ST6GAL2: variants seen among roughly 807,000 people sequenced by gnomAD.
ST6GAL2 encodes beta-galactoside alpha-2,6-sialyltransferase 2.
In ST6GAL2, 24 loss-of-function variants were observed where a neutral mutation model predicts 37.5. The ratio of observed to expected loss-of-function variants is 0.64; its 90% CI spans 0.46 to 0.90. The LOEUF (loss-of-function observed/expected upper bound fraction) is 0.90, where lower values mean the gene tolerates loss of function less well. Ranked by LOEUF, ST6GAL2 falls within the 40% of genes least tolerant of loss-of-function variation. ST6GAL2 has a pLI of 0.00. For synonymous variants in ST6GAL2, 306 were observed against 295.1 expected, an observed-to-expected ratio of 1.04 and a Z score of -0.38; for missense variants, 715 against 712.7, an observed-to-expected ratio of 1.00 and a Z score of -0.04.
intron 1 of ST6GAL2, among the ~76,000 whole-genome samples, chr2:106,882,951 C>A (rs1481677671): frequency 6.6e-6 from 1 of 152,206 alleles, no homozygotes; most frequent in Non-Finnish European, 1.5e-5. Context: ...TTCTCCCAAC[C>A]AACCAGTAGG....
At chr2:106,874,858 T>C (rs761370012) in intron 1 of ST6GAL2, among the ~76,000 whole-genome samples, 2 of 152,180 alleles carry the variant, frequency 1.3e-5, no homozygotes, top group African/African-American at 4.8e-5. Context: ...CAAGCCAGCA[T>C]TTGCAGCAGC....
intron 5 of ST6GAL2, among the ~76,000 whole-genome samples, chr2:106,820,306 C>CA (rs1230095357): frequency 6.6e-6 from 1 of 151,784 alleles, no homozygotes; most frequent in Non-Finnish European, 1.5e-5. Flanking sequence ...ACCCACCTCC[C>CA]AACTAAAAGC....
chr2:106,873,758 T>C (rs1440077811), intron 1 of ST6GAL2, among the ~76,000 whole-genome samples: 1 of 152,240 alleles, frequency 6.6e-6, no homozygotes, highest in African/African-American at 2.4e-5. Flanking sequence ...GGTTTAGCAG[T>C]GATTTCCTAA....
intron 1 of ST6GAL2, among the ~76,000 whole-genome samples, chr2:106,881,962 T>C (rs1356929529): frequency 2.0e-5 from 3 of 152,240 alleles, no homozygotes; most frequent in Non-Finnish European, 2.9e-5. Flanking sequence ...TGGATCATTT[T>C]CTTGAATCTT....
rs528424981 is a variant in ST6GAL2 at position 106,843,388 on chromosome 2, G to C, written c.590C>G (p.Ser197Cys). Residue 197 changes from serine (S) to cysteine (C), a missense_variant, in exon 2 of 6, where the codon TCC (serine) becomes TGC (cysteine). Physicochemically the swap from Ser to Cys is moderately radical, Grantham distance 112. Coordinates refer to ENST00000409382, the MANE Select transcript of ST6GAL2 (RefSeq NM_001142351.2). ...EEGDDGDRLYSSMSRAFLYRL... is the reference protein window; with the variant it reads ...EEGDDGDRLYCSMSRAFLYRL... The stretch of plus-strand genomic sequence containing the variant: ...GTACAGGAAGGCCCTGGACATGGAG[G>C]AGTACAGCCTGTCGCCGTCGTCGCC... The C allele has an allele frequency of 1.9e-6, 3 of 1,614,140 alleles. No homozygotes were observed. The highest frequency in any genetic ancestry group is 1.6e-4 in the Middle Eastern group (1 of 6,062).
At chr2:106,872,057 C>G (rs558386954) in intron 1 of ST6GAL2, among the ~76,000 whole-genome samples, 1 of 152,184 alleles carries the variant, frequency 6.6e-6, no homozygotes, top group African/African-American at 2.4e-5. Flanking sequence ...CTAAAATACA[C>G]GTAATGCAGT....
chr2:106,852,775 C>A (rs138288434), intron 1 of ST6GAL2, among the ~76,000 whole-genome samples: 24 of 152,228 alleles, frequency 1.6e-4, no homozygotes, highest in African/African-American at 5.8e-4. Flanking sequence ...TAGGGTTAGG[C>A]CTGAGTCATT....
rs1330975292 is a variant in ST6GAL2 at position 106,806,533 on chromosome 2, A to G, written c.*145T>C. 1 of 929,850 alleles carries G rather than the reference A, an allele frequency of 1.1e-6. No individual in the cohort carries two copies. Among genetic ancestry groups the G allele is most frequent in the East Asian group, 2.5e-5 (1 of 40,674 alleles). 57.6% of individuals were successfully genotyped at this position (929,850 alleles called of 1,614,324 possible). A position where few individuals can be genotyped will look rare whatever the true frequency, so the allele number is the denominator to read the frequency against. ...CAGTAATACATACTCAATGGCTTAG[A>G]AAGAGAAGGATTATCATGACCACCA... On this transcript the variant is annotated 3_prime_UTR_variant, in exon 6 of 6. Coordinates refer to ENST00000409382, the MANE Select transcript of ST6GAL2 (RefSeq NM_001142351.2).
intron 5 of ST6GAL2, among the ~76,000 whole-genome samples, chr2:106,810,408 C>G (rs192371343): frequency 2.0e-5 from 3 of 152,276 alleles, no homozygotes; most frequent in Non-Finnish European, 4.4e-5. Flanking sequence ...GGTGTTTGTC[C>G]TGAGTTTTCT....
At chr2:106,854,771 C>A (rs566017670) in intron 1 of ST6GAL2, among the ~76,000 whole-genome samples, 2 of 151,936 alleles carry the variant, frequency 1.3e-5, no homozygotes, top group Non-Finnish European at 2.9e-5. Context: ...CATTAAGTAA[C>A]CTGAGTGTTT....
At chr2:106,836,180 C>T (rs151183679) in intron 2 of ST6GAL2, among the ~76,000 whole-genome samples, 3 of 152,134 alleles carry the variant, frequency 2.0e-5, no homozygotes, top group East Asian at 1.9e-4. Flanking sequence ...AGACTGGCAC[C>T]GTTTTTAATG....
chr2:106,862,374 T>A (rs1677837756), intron 1 of ST6GAL2, among the ~76,000 whole-genome samples: 1 of 152,260 alleles, frequency 6.6e-6, no homozygotes, highest in Admixed American at 6.5e-5. Context: ...CTCCCTAGAT[T>A]GCTTTTCGAG....
At chr2:106,867,488 T>C (rs576076711) in intron 1 of ST6GAL2, among the ~76,000 whole-genome samples, 1 of 152,336 alleles carries the variant, frequency 6.6e-6, no homozygotes, top group African/African-American at 2.4e-5. Context: ...CTAACTCTGT[T>C]ACCCGGTGGT....
intron 1 of ST6GAL2, among the ~76,000 whole-genome samples, chr2:106,846,678 T>C (rs1038728781): frequency 4.6e-5 from 7 of 152,324 alleles, no homozygotes; most frequent in Admixed American, 2.0e-4. Flanking sequence ...TATTTTGTAT[T>C]CACATGAGAG....
At chr2:106,827,660 C>T (rs1479996649) in intron 5 of ST6GAL2, among the ~76,000 whole-genome samples, 1 of 152,142 alleles carries the variant, frequency 6.6e-6, no homozygotes, top group Admixed American at 6.5e-5. Context: ...ACATAACGTT[C>T]TGGGACAATG....
rs1276160058 is a variant in ST6GAL2, at chr2:106,801,716, C to G, written c.*4962G>C. 6.6e-6 allele frequency: 1 copy of G among 152,180 alleles called. No individual in the cohort carries two copies. The highest frequency in any genetic ancestry group is 2.4e-5 in the African/African-American group (1 of 41,444). 9.4% of individuals were successfully genotyped at this position (152,180 alleles called of 1,614,324 possible). A position where few individuals can be genotyped will look rare whatever the true frequency, so the allele number is the denominator to read the frequency against. On this transcript the variant is annotated 3_prime_UTR_variant, in exon 6 of 6. Transcript: ENST00000409382. ...CCAAGTGTTAAAATGTGTACAAACA[C>G]TTTTAAAATGCGACTCCTGGAAAAC...
intron 5 of ST6GAL2, among the ~76,000 whole-genome samples, chr2:106,820,319 G>A (rs571155604): frequency 6.6e-6 from 1 of 151,922 alleles, no homozygotes; most frequent in East Asian, 1.9e-4. Context: ...CTAAAAGCAG[G>A]GGTAGCTACA....
chr2:106,872,798 C>G (rs1436694980), intron 1 of ST6GAL2, among the ~76,000 whole-genome samples: 4 of 151,896 alleles, frequency 2.6e-5, no homozygotes, highest in Non-Finnish European at 5.9e-5. Context: ...AGACAAGGTT[C>G]CTTTTGTTTT....
At chr2:106,875,002 C>T (rs1228091090) in intron 1 of ST6GAL2, among the ~76,000 whole-genome samples, 2 of 152,148 alleles carry the variant, frequency 1.3e-5, no homozygotes, top group African/African-American at 2.4e-5. Context: ...TGTATCTAAG[C>T]CAACTTCTTT....
Sources: allele counts gnomAD v4.1 joint callset (sites outside exome capture counted in the v4.1 genomes callset), GRCh38; gene constraint gnomAD v4.1.1; transcripts MANE v1.5; gene names NCBI Gene and HGNC (gene_info 2026-07-23, HGNC 2026-07-21).